The following PSD3 variants were observed in gnomAD, a reference collection of about 807,000 sequenced individuals.
PSD3 encodes the protein pleckstrin and Sec7 domain containing 3, also known as PH and SEC7 domain-containing protein 3.
Under a neutral mutation model 105.5 loss-of-function variants are expected in PSD3, and 49 were observed. That is an observed-to-expected ratio of 0.46 (90% confidence interval 0.37 to 0.59). The LOEUF (loss-of-function observed/expected upper bound fraction) is 0.59. Among genes scored for constraint, PSD3 ranks in the 20% least tolerant of loss-of-function variants. The pLI is 0.00. For synonymous variants in PSD3, 557 were observed against 457.8 expected, an observed-to-expected ratio of 1.22 and a Z score of -2.77; for missense variants, 1,561 against 1,263.8, an observed-to-expected ratio of 1.24 and a Z score of -3.57.
chr8:18,676,944 G>A (rs549137892), intron 9 of PSD3, among the ~76,000 whole-genome samples: 5 of 152,064 alleles, frequency 3.3e-5, no homozygotes, highest in African/African-American at 4.8e-5. Context: ...AAGAGCCTGC[G>A]GTCTGTAACA....
chr8:19,075,776 G>A (rs985208007), intron 1 of PSD3, among the ~76,000 whole-genome samples: 9 of 152,158 alleles, frequency 5.9e-5, no homozygotes, highest in African/African-American at 2.2e-4. Flanking sequence ...GTTTCAAAAT[G>A]CCTCTTTGCA....
At chr8:18,824,215 C>T (rs987303069) in intron 4 of PSD3, among the ~76,000 whole-genome samples, 2 of 152,138 alleles carry the variant, frequency 1.3e-5, no homozygotes, top group African/African-American at 4.8e-5. Flanking sequence ...CAGGCTATGT[C>T]AATTTTCCAA....
chr8:19,077,639 T>G (rs1020019720), intron 1 of PSD3, among the ~76,000 whole-genome samples: 2 of 152,226 alleles, frequency 1.3e-5, no homozygotes, highest in African/African-American at 4.8e-5. Context: ...TTATCAGAGC[T>G]CTCTCAAACT....
chr8:18,648,698 G>A (rs949139246), intron 10 of PSD3, among the ~76,000 whole-genome samples: 1 of 152,326 alleles, frequency 6.6e-6, no homozygotes, highest in East Asian at 1.9e-4. Flanking sequence ...GCATTTCAGA[G>A]ACCTTTGCAG....
Position 18,940,983 on chromosome 8 carries a change from G to T in PSD3, c.22-4841C>A, listed in dbSNP as rs140828492. On this transcript the variant is annotated intron_variant, in intron 1 of 15. Transcript: ENST00000327040. ...AACAATTAGTTATTCTTGAAGCTGT[G>T]AGCCCCTATTGATACATCCTCTTCC... is the stretch of plus-strand genomic sequence containing the variant. Among the ~76,000 whole-genome samples, 598 of 152,254 alleles carry T rather than the reference G, an allele frequency of 3.9e-3. 4 individuals are homozygous for T. Among genetic ancestry groups the T allele is most frequent in the African/African-American group, 0.014 (562 of 41,534 alleles).
At chr8:18,687,938 T>C (rs1315729455) in intron 9 of PSD3, among the ~76,000 whole-genome samples, 8 of 152,090 alleles carry the variant, frequency 5.3e-5, no homozygotes, top group African/African-American at 1.9e-4. Flanking sequence ...TGGGTAATTT[T>C]TGTATTTTTT....
chr8:19,007,744 CATA>C (rs1161491434), intron 1 of PSD3, among the ~76,000 whole-genome samples: 2 of 152,178 alleles, frequency 1.3e-5, no homozygotes, highest in Non-Finnish European at 2.9e-5. Flanking sequence ...AAATCAACAG[CATA>C]ATAATATCTG....
At chr8:18,653,810 T>C (rs1370802794) in intron 10 of PSD3, among the ~76,000 whole-genome samples, 1 of 152,006 alleles carries the variant, frequency 6.6e-6, no homozygotes, top group Non-Finnish European at 1.5e-5. Flanking sequence ...CTCAAGAGTA[T>C]ATGTATTTGT....
chr8:18,661,847 G>C (rs1317474367), intron 9 of PSD3, among the ~76,000 whole-genome samples: 1 of 152,282 alleles, frequency 6.6e-6, no homozygotes, highest in Non-Finnish European at 1.5e-5. Flanking sequence ...TTCCCTTTAA[G>C]CTATTTGTGT....
At chr8:18,900,872 G>C (rs58539714) in intron 2 of PSD3, among the ~76,000 whole-genome samples, 1 of 152,070 alleles carries the variant, frequency 6.6e-6, no homozygotes, top group East Asian at 1.9e-4. Flanking sequence ...GCATCACACA[G>C]TGTTTTAAGC....
chr8:18,626,063 G>C (rs570874967), intron 11 of PSD3, among the ~76,000 whole-genome samples: 3 of 152,132 alleles, frequency 2.0e-5, no homozygotes, highest in Non-Finnish European at 2.9e-5. Flanking sequence ...ACTTTTCAAA[G>C]CTTTCCCTTA....
At chr8:18,627,020 CAG>C (rs1410307962) in intron 11 of PSD3, among the ~76,000 whole-genome samples, 5 of 139,494 alleles carry the variant, frequency 3.6e-5, no homozygotes, top group African/African-American at 1.4e-4. Flanking sequence ...GCCCAAGAAA[CAG>C]TAACTGCTAT....
At position 19,043,800 on chromosome 8, in the gene PSD3, G is replaced by C. The variant is rs183291771; in HGVS notation, c.324+40406C>G. ...ACCAGATGCCAGTCCTTTGGTCTTG[G>C]ACTTCCCAGCCTCCAGAATGGTGAG... On this transcript the variant is annotated intron_variant, in intron 1 of 1. Coordinates refer to the PSD3 transcript ENST00000521475. 1.4e-4 allele frequency among the ~76,000 whole-genome samples: 21 copies of C among 152,260 alleles called. No homozygotes were observed. In the East Asian group the frequency reaches 3.5e-3, roughly 25 times the overall value.
At chr8:18,567,538 G>T (rs1376149883) in intron 14 of PSD3, among the ~76,000 whole-genome samples, 1 of 152,124 alleles carries the variant, frequency 6.6e-6, no homozygotes, top group Non-Finnish European at 1.5e-5. Context: ...CAATGCCATT[G>T]TGTCCTGCAA....
chr8:18,668,868 T>C (rs1799625884), intron 9 of PSD3, among the ~76,000 whole-genome samples: 1 of 152,236 alleles, frequency 6.6e-6, no homozygotes, highest in Non-Finnish European at 1.5e-5. Flanking sequence ...AAGTAAACAA[T>C]GCTATCCACA....
At chr8:19,026,377 G>C (rs77297344) in intron 1 of PSD3, among the ~76,000 whole-genome samples, 2,480 of 152,066 alleles carry the variant, frequency 0.016, 66 homozygotes, top group African/African-American at 0.056. Context: ...AACTCTCAGA[G>C]GTTTTTTTTT....
At chr8:18,610,567 A>C (rs1217566411) in intron 11 of PSD3, among the ~76,000 whole-genome samples, 2 of 152,338 alleles carry the variant, frequency 1.3e-5, no homozygotes, top group African/African-American at 4.8e-5. Flanking sequence ...TTCATTGCTC[A>C]ATTAAACTCC....
intron 15 of PSD3, among the ~76,000 whole-genome samples, chr8:18,544,312 CCAGG>C (rs1213908224): frequency 6.6e-6 from 1 of 151,990 alleles, no homozygotes; most frequent in East Asian, 1.9e-4. Flanking sequence ...CTCTCCTTGA[CCAGG>C]TGGCCCACCC....
chr8:18,864,277 G>GC, intron 4 of PSD3, among the ~76,000 whole-genome samples: 1 of 152,198 alleles, frequency 6.6e-6, no homozygotes, highest in East Asian at 1.9e-4. Flanking sequence ...TACCATCTGT[G>GC]TGACCTTTAG....
Sources: allele counts gnomAD v4.1 joint callset (sites outside exome capture counted in the v4.1 genomes callset), GRCh38; gene constraint gnomAD v4.1.1; transcripts MANE v1.5; gene names NCBI Gene and HGNC (gene_info 2026-07-23, HGNC 2026-07-21).